Variants in PKP4 observed in about 807,000 individuals in gnomAD.
PKP4 encodes plakophilin-4.
Under a neutral mutation model 145.1 loss-of-function variants are expected in PKP4, and 90 were observed. The observed-to-expected ratio is 0.62, with a 90% CI of 0.52 to 0.74. The LOEUF is 0.74. Among genes scored for constraint, PKP4 ranks in the 30% least tolerant of loss-of-function variants. The pLI is 0.00. For synonymous variants in PKP4, 563 were observed against 577.2 expected (o/e 0.98, Z 0.35); for missense variants, 1,340 against 1,482.7 (o/e 0.90, Z 1.58).
At chr2:158,503,671 G>T (rs894805169) in intron 1 of PKP4, among the ~76,000 whole-genome samples, 4 of 152,104 alleles carry the variant, frequency 2.6e-5, no homozygotes, top group Non-Finnish European at 4.4e-5. Context: ...AGCAAAGTTT[G>T]TATCATTCAT....
At chr2:158,523,981 G>A (rs1171093225) in intron 1 of PKP4, among the ~76,000 whole-genome samples, 1 of 70,932 alleles carries the variant, frequency 1.4e-5, no homozygotes, top group African/African-American at 6.2e-5. Context: ...ATGGGACTAT[G>A]TGAAAAGACC....
intron 11 of PKP4, among the ~76,000 whole-genome samples, chr2:158,650,486 CAG>C (rs1475690912): frequency 6.6e-6 from 1 of 152,196 alleles, no homozygotes; most frequent in Non-Finnish European, 1.5e-5. Context: ...TGCAAAATCG[CAG>C]AGACTCGGGC....
intron 4 of PKP4, among the ~76,000 whole-genome samples, chr2:158,610,254 C>T (rs573551918): frequency 6.6e-6 from 1 of 152,240 alleles, no homozygotes; most frequent in Non-Finnish European, 1.5e-5. Flanking sequence ...TGTTAGCGCT[C>T]CCTTCTGTTT....
intron 1 of PKP4, chr2:158,458,208 C>G (rs1247854678): frequency 6.5e-6 from 1 of 153,006 alleles, no homozygotes; most frequent in Non-Finnish European, 1.5e-5. Flanking sequence ...GAGGAATGCA[C>G]CAGGGGCAGA....
chr2:158,602,331 T>C (rs1349656413), intron 3 of PKP4, among the ~76,000 whole-genome samples: 5 of 152,198 alleles, frequency 3.3e-5, no homozygotes, highest in African/African-American at 9.7e-5. Flanking sequence ...CACAAGATTG[T>C]GATAAATAAC....
chr2:158,620,839 G>A, intron 4 of PKP4, 151 bp from the exon 5 acceptor site: 3 of 628,060 alleles, frequency 4.8e-6, no homozygotes, highest in Non-Finnish European at 8.4e-6. Flanking sequence ...CATTCATATA[G>A]TTAAGAGTCA....
At chr2:158,666,626 T>C (rs2057110692) in intron 16 of PKP4, 63 bp downstream of exon 16, 1 of 1,363,014 alleles carries the variant, frequency 7.3e-7, no homozygotes, top group African/African-American at 1.5e-5. Flanking sequence ...ATGAAACTCT[T>C]CTTTTGATTA....
intron 4 of PKP4, among the ~76,000 whole-genome samples, chr2:158,604,614 G>A (rs144332115): frequency 2.0e-4 from 30 of 152,166 alleles, no homozygotes; most frequent in East Asian, 9.7e-4. Context: ...GAGGTTTTGC[G>A]TTTGGGAGGA....
At chr2:158,512,216 T>A (rs1320804521) in intron 1 of PKP4, among the ~76,000 whole-genome samples, 1 of 152,248 alleles carries the variant, frequency 6.6e-6, no homozygotes, top group Non-Finnish European at 1.5e-5. Context: ...TCGTATATCT[T>A]GGTTCTTGGA....
At chr2:158,565,594 T>A (rs2046907000) in intron 2 of PKP4, among the ~76,000 whole-genome samples, 1 of 151,882 alleles carries the variant, frequency 6.6e-6, no homozygotes, top group South Asian at 2.1e-4. Flanking sequence ...AGGAGCCAAA[T>A]GTTAGGGAGA....
At chr2:158,673,091 C>T (rs1483255994) in intron 17 of PKP4, among the ~76,000 whole-genome samples, 3 of 152,112 alleles carry the variant, frequency 2.0e-5, no homozygotes, top group Non-Finnish European at 4.4e-5. Context: ...TCCAGTGACT[C>T]GGAATCCAGT....
intron 11 of PKP4, among the ~76,000 whole-genome samples, chr2:158,646,862 G>T (rs1482242578): frequency 6.6e-6 from 1 of 152,118 alleles, no homozygotes; most frequent in Non-Finnish European, 1.5e-5. Context: ...ACCTGGTGGG[G>T]TTAAGTCTGG....
intron 2 of PKP4, among the ~76,000 whole-genome samples, chr2:158,558,562 T>C (rs2046279466): frequency 6.6e-6 from 1 of 151,614 alleles, no homozygotes; most frequent in South Asian, 2.1e-4. Flanking sequence ...CACCAAGAAA[T>C]GGTTAGTAAC....
intron 1 of PKP4, among the ~76,000 whole-genome samples, chr2:158,519,407 C>T (rs1412584854): frequency 6.6e-6 from 1 of 152,152 alleles, no homozygotes; most frequent in Non-Finnish European, 1.5e-5. Context: ...GTGTCTGAGG[C>T]CTGCTCTGTC....
chr2:158,460,041 T>C (rs970219254), intron 1 of PKP4, among the ~76,000 whole-genome samples: 3 of 152,174 alleles, frequency 2.0e-5, no homozygotes, highest in African/African-American at 7.2e-5. Flanking sequence ...TGGTGTCTTA[T>C]GTATTATACT....
chr2:158,674,772 ATAAG>A lies in PKP4; in HGVS notation c.3127+775_3127+778del, dbSNP rs139241533. Among the ~76,000 whole-genome samples the A allele has an allele frequency of 3.6e-3, 544 of 152,358 alleles. 5 individuals are homozygous for A. Among genetic ancestry groups the A allele is most frequent in the African/African-American group, 0.012 (513 of 41,574 alleles). On this transcript the variant is annotated intron_variant, in intron 19 of 21. Transcript: ENST00000389759. ...TTTCCAAAATGAGAAAGGAAAAATA[ATAAG>A]TATCTTATTTTTATTTGGCTTTAAG...
chr2:158,625,346 G>A lies in PKP4; in HGVS notation c.1072G>A (p.Val358Ile), dbSNP rs776844858. The change falls in exon 7 of 22, where the codon GTT becomes ATT. Residue 358 changes from valine to isoleucine, a missense_variant. Coordinates refer to ENST00000389759, the MANE Select transcript of PKP4 (RefSeq NM_003628.6). ...QHLGPSLQRT[V>I]HDMEQFGQQQ... ...TCTGGGACCTTCACTGCAAAGGACT[G>A]TTCATGACATGGAGCAATTCGGACA... 2.6e-5 allele frequency: 42 copies of A among 1,614,060 alleles called. No homozygotes were observed. Among genetic ancestry groups the A allele is most frequent in the Non-Finnish European group, 3.4e-5 (40 of 1,180,040 alleles).
At chr2:158,553,692 T>G (rs1456062879) in intron 2 of PKP4, among the ~76,000 whole-genome samples, 1 of 152,202 alleles carries the variant, frequency 6.6e-6, no homozygotes, top group African/African-American at 2.4e-5. Context: ...GGTGGCTCCT[T>G]TATTCTTTAC....
At chr2:158,490,864 T>C (rs1485714615) in intron 1 of PKP4, among the ~76,000 whole-genome samples, 1 of 152,208 alleles carries the variant, frequency 6.6e-6, no homozygotes, top group East Asian at 1.9e-4. Context: ...TGTATCTCCA[T>C]TGATGGCATT....
Sources: allele counts gnomAD v4.1 joint callset (sites outside exome capture counted in the v4.1 genomes callset), GRCh38; gene constraint gnomAD v4.1.1; transcripts MANE v1.5; gene names NCBI Gene and HGNC (gene_info 2026-07-23, HGNC 2026-07-21).